Variants in P2RX4 observed in about 807,000 individuals in gnomAD.
The protein encoded by P2RX4 is purinergic receptor P2X 4, also known as P2X purinoceptor 4.
A neutral mutation model predicts 48.0 loss-of-function variants in P2RX4; 37 were observed. The observed-to-expected ratio is 0.77, with a 90% CI of 0.59 to 1.01. The LOEUF (loss-of-function observed/expected upper bound fraction) is 1.01. P2RX4 is among the 50% of genes least tolerant of loss of function. P2RX4 has a pLI of 0.00. For synonymous variants in P2RX4, 200 were observed against 199.7 expected (o/e 1.00, Z -0.01); for missense variants, 501 against 521.4 (o/e 0.96, Z 0.38).
At chr12:121,211,100 T>C (rs1344820749) in intron 1 of P2RX4, among the ~76,000 whole-genome samples, 1 of 152,248 alleles carries the variant, frequency 6.6e-6, no homozygotes, top group Admixed American at 6.5e-5. Flanking sequence ...TGCCCTAGCC[T>C]AGTCAGTCAT....
chr12:121,216,126 T>C (rs1240843991), intron 1 of P2RX4: 1 of 152,178 alleles, frequency 6.6e-6, no homozygotes, highest in Non-Finnish European at 1.5e-5. Flanking sequence ...CAAAAAAAAA[T>C]CTCATAACGT....
At chr12:121,213,968 G>A (rs1165682258) in intron 1 of P2RX4, 1 of 152,154 alleles carries the variant, frequency 6.6e-6, no homozygotes. Context: ...GGGAGGCTGA[G>A]GCAAGTGGAT....
intron 2 of P2RX4, among the ~76,000 whole-genome samples, chr12:121,219,520 C>T (rs1886440754): frequency 6.6e-6 from 1 of 151,826 alleles, no homozygotes; most frequent in Admixed American, 6.6e-5. Flanking sequence ...CACTTGAGCT[C>T]AGGATTCAAG....
intron 5 of P2RX4, among the ~76,000 whole-genome samples, chr12:121,227,549 C>CG (rs1887050486): frequency 6.6e-6 from 1 of 152,180 alleles, no homozygotes. Flanking sequence ...AGAACGCCTG[C>CG]GGCCCCAAAG....
intron 11 of P2RX4, 47 bp from the exon 12 acceptor site, chr12:121,233,476 C>T (rs1887503751): frequency 6.3e-7 from 1 of 1,588,146 alleles, no homozygotes; most frequent in Non-Finnish European, 8.6e-7. Context: ...CCGCCTGCCA[C>T]AAGGGGTCCC....
chr12:121,215,654 G>A (rs1335091903), intron 1 of P2RX4: 2 of 152,092 alleles, frequency 1.3e-5, no homozygotes, highest in African/African-American at 4.8e-5. Context: ...AATCTTTAAA[G>A]CAGTAAATGC....
chr12:121,211,312 C>T (rs576799842), intron 1 of P2RX4, among the ~76,000 whole-genome samples: 3 of 152,212 alleles, frequency 2.0e-5, no homozygotes, highest in African/African-American at 7.2e-5. Context: ...AAGCAATTCT[C>T]CTGTCTCAGT....
chr12:121,220,658 GAAATT>G (rs1886537007), intron 2 of P2RX4, among the ~76,000 whole-genome samples: 1 of 151,988 alleles, frequency 6.6e-6, no homozygotes, highest in African/African-American at 2.4e-5. Flanking sequence ...AAATAAGAAA[GAAATT>G]AACCATTTTA....
At position 121,233,595 on chromosome 12, in the gene P2RX4, A is replaced by AGAG. The variant is rs775834079; in HGVS notation, c.*57_*59dup. ...TCTCCACAGCCCCATCAAAGAACAG[A>AGAG]GAGGAGGAGGAGGGAGAAATGGCCA... is the stretch of plus-strand genomic sequence containing the variant. On this transcript the variant is annotated 3_prime_UTR_variant, in exon 12 of 12. Transcript: ENST00000337233. 4.4e-6 allele frequency: 7 copies of AGAG among 1,596,212 alleles called. No individual in the cohort carries two copies. The highest frequency in any genetic ancestry group is 1.3e-5 in the African/African-American group (1 of 74,692).
intron 5 of P2RX4, among the ~76,000 whole-genome samples, chr12:121,226,057 G>A (rs1886958600): frequency 1.3e-5 from 2 of 151,520 alleles, no homozygotes; most frequent in South Asian, 4.2e-4. Context: ...ATTTTTTGTA[G>A]AGACAGGGTC....
At chr12:121,227,100 C>T (rs1484736548) in intron 5 of P2RX4, among the ~76,000 whole-genome samples, 3 of 151,248 alleles carry the variant, frequency 2.0e-5, no homozygotes, top group Non-Finnish European at 4.4e-5. Flanking sequence ...AGGAGCAAGA[C>T]TCCATCTCAA....
intron 1 of P2RX4, 30 bp downstream of exon 1, chr12:121,210,328 C>A: frequency 6.7e-7 from 1 of 1,486,238 alleles, no homozygotes; most frequent in Non-Finnish European, 8.9e-7. Context: ...GGGGGCGCGG[C>A]GGGTGCTGCC....
intron 1 of P2RX4, among the ~76,000 whole-genome samples, chr12:121,212,620 T>C (rs1885935199): frequency 6.7e-6 from 1 of 149,632 alleles, no homozygotes. Flanking sequence ...AAACCCCGTC[T>C]CTACTAAAAG....
chr12:121,228,678 C>T lies in P2RX4; in HGVS notation c.606-47C>T, dbSNP rs372622991. 122 of 1,613,490 alleles carry T rather than the reference C, an allele frequency of 7.6e-5. No individual in the cohort carries two copies. The African/African-American group carries it at 1.4e-3, about 19-fold the overall frequency. On this transcript the variant is annotated intron_variant, in intron 6 of 11. Transcript: ENST00000337233. ...GAGAAACTTCTGGCTCTTCTCTCTT[C>T]TCTGAGGTTTTCGTCGCTCTGATTT...
rs1257157567 is a variant in P2RX4, at chr12:121,229,544, G to A, written c.884+445G>A. Among the ~76,000 whole-genome samples the A allele has an allele frequency of 6.6e-6, 1 of 152,102 alleles. No individual in the cohort carries two copies. Among genetic ancestry groups the A allele is most frequent in the Non-Finnish European group, 1.5e-5 (1 of 67,998 alleles). On this transcript the variant is annotated intron_variant, in intron 8 of 11. Transcript: ENST00000337233. The surrounding 1 kb of genome is among the most constrained non-coding windows in gnomAD (Gnocchi z 4.6). ...CAGAGTGCAGGGGACACAGGTCTGA[G>A]GCCCCTGAAAGGCCTTGCTGGGTTC...
intron 11 of P2RX4, 117 bp from the exon 12 acceptor site, chr12:121,233,406 C>T (rs1482458271): frequency 4.5e-6 from 5 of 1,106,844 alleles, no homozygotes; most frequent in African/African-American, 1.6e-5. Flanking sequence ...GGGTTGGGTT[C>T]CAGGCCTGGG....
At chr12:121,222,261 C>G in intron 4 of P2RX4, 95 bp downstream of exon 4, 1 of 912,972 alleles carries the variant, frequency 1.1e-6, no homozygotes. Flanking sequence ...AATTCCTTCA[C>G]ATGACCCTGG....
intron 1 of P2RX4, chr12:121,214,490 T>G (rs1337236571): frequency 1.3e-5 from 2 of 152,198 alleles, no homozygotes; most frequent in Non-Finnish European, 2.9e-5. Context: ...CTCATCTATC[T>G]AACTCTGTTA....
In P2RX4 at chr12:121,228,708, C is replaced by T; in HGVS notation, c.606-17C>T. ...AGGTTTTCGTCGCTCTGATTTTCTGCTTCCTCTCGACTTTAGGAGGAATAT... is the reference window on the plus strand; with the variant it reads ...AGGTTTTCGTCGCTCTGATTTTCTGTTTCCTCTCGACTTTAGGAGGAATAT... On this transcript the variant is annotated splice_polypyrimidine_tract_variant and intron_variant, in intron 6 of 11. Coordinates refer to ENST00000337233, the MANE Select transcript of P2RX4 (RefSeq NM_002560.3). The T allele has an allele frequency of 6.2e-7, 1 of 1,613,960 alleles. No individual in the cohort carries two copies. The highest frequency in any genetic ancestry group is 8.5e-7 in the Non-Finnish European group (1 of 1,179,948).
Sources: gnomAD v4.1 joint callset for allele counts (sites outside exome capture counted in the v4.1 genomes callset) on GRCh38, gnomAD v4.1.1 for gene constraint, Gnocchi (gnomAD v3.1) non-coding constraint, MANE v1.5 for transcripts, NCBI Gene and HGNC (gene_info 2026-07-23, HGNC 2026-07-21) for gene names.